The following PAPPA variants were observed in gnomAD, a reference collection of about 807,000 sequenced individuals.
The protein encoded by PAPPA is pappalysin-1.
Under a neutral mutation model 164.0 loss-of-function variants are expected in PAPPA, and 60 were observed. The ratio of observed to expected loss-of-function variants is 0.37; its 90% CI spans 0.30 to 0.45. PAPPA has a LOEUF of 0.45. Among genes scored for constraint, PAPPA ranks in the 20% least tolerant of loss-of-function variants. The pLI is 1.00. For missense variants in PAPPA, 1,782 were observed against 2,087.3 expected (o/e 0.85, Z 2.85); for synonymous variants, 875 against 814.1 (o/e 1.07, Z -1.27).
At chr9:116,183,631 G>A (rs1466098000) in intron 1 of PAPPA, among the ~76,000 whole-genome samples, 2 of 152,100 alleles carry the variant, frequency 1.3e-5, no homozygotes, top group Non-Finnish European at 2.9e-5. Context: ...ATTGAAGCTC[G>A]GTGATTTTCT....
In PAPPA at chr9:116,228,415, T is replaced by C. The variant is rs535866516; in HGVS notation, c.2233+863T>C. Among the ~76,000 whole-genome samples, 192 of 152,160 alleles carry C rather than the reference T, an allele frequency of 1.3e-3. 1 individual carries two copies. The highest frequency in any genetic ancestry group is 4.5e-3 in the African/African-American group (186 of 41,514). On this transcript the variant is annotated intron_variant, in intron 6 of 21. Coordinates refer to ENST00000328252, the MANE Select transcript of PAPPA (RefSeq NM_002581.5). ...GTGAGGACACTATTACACCAGTGCA[T>C]CAGAGGGAGCGGAATCAGTCTTCTC...
chr9:116,335,215 C>CAGA, intron 13 of PAPPA, 141 bp downstream of exon 13: 1 of 701,634 alleles, frequency 1.4e-6, no homozygotes, highest in Non-Finnish European at 2.4e-6. Flanking sequence ...GGCCTCTGGC[C>CAGA]GGCTCTGCCT....
chr9:116,377,994 G>A (rs917568552), intron 20 of PAPPA, among the ~76,000 whole-genome samples: 1 of 152,156 alleles, frequency 6.6e-6, no homozygotes, highest in Non-Finnish European at 1.5e-5. Context: ...GCTAATGTTG[G>A]AAATTTACCA....
intron 9 of PAPPA, among the ~76,000 whole-genome samples, chr9:116,274,622 A>G (rs1845175548): frequency 6.6e-6 from 1 of 152,208 alleles, no homozygotes; most frequent in South Asian, 2.1e-4. Context: ...CAGTGTTCTC[A>G]TGTAGAAAAT....
intron 6 of PAPPA, among the ~76,000 whole-genome samples, chr9:116,228,758 A>G (rs1029178658): frequency 3.3e-5 from 5 of 152,140 alleles, no homozygotes; most frequent in African/African-American, 1.2e-4. Flanking sequence ...GCTCCCCCCA[A>G]GTGCAGGAAT....
At chr9:116,362,519 T>C (rs372074210) in intron 17 of PAPPA, 73 bp from the exon 18 acceptor site, 14 of 1,474,970 alleles carry the variant, frequency 9.5e-6, no homozygotes, top group Middle Eastern at 1.8e-4. Flanking sequence ...TTCTTTTCTG[T>C]TGTATTCAGA....
intron 2 of PAPPA, among the ~76,000 whole-genome samples, chr9:116,200,759 G>GT (rs1478297850): frequency 6.6e-6 from 1 of 151,986 alleles, no homozygotes; most frequent in African/African-American, 2.4e-5. Flanking sequence ...TAGAATCTCA[G>GT]TAAGTGTTGT....
chr9:116,345,325 G>A (rs1846192982), intron 14 of PAPPA, among the ~76,000 whole-genome samples: 1 of 151,792 alleles, frequency 6.6e-6, no homozygotes, highest in Admixed American at 6.6e-5. Flanking sequence ...TTGGAAAAGT[G>A]ACATGGAAAC....
intron 10 of PAPPA, among the ~76,000 whole-genome samples, chr9:116,303,741 G>A (rs1453739369): frequency 6.6e-6 from 1 of 152,080 alleles, no homozygotes; most frequent in Non-Finnish European, 1.5e-5. Flanking sequence ...GCTATTCCCA[G>A]GCATTCCTTT....
chr9:116,347,079 G>C lies in PAPPA; in HGVS notation c.3834G>C (p.Val1278=). The C allele has an allele frequency of 1.2e-6, 2 of 1,614,138 alleles. No homozygotes were observed. Among genetic ancestry groups the C allele is most frequent in the Non-Finnish European group, 1.7e-6 (2 of 1,179,998 alleles). Residue 1278 remains valine, a synonymous_variant, in exon 15 of 22, where the codon GTG becomes GTC. Transcript: ENST00000328252. The surrounding 1 kb of genome is among the most constrained non-coding windows in gnomAD (Gnocchi z 4.5). ...TCTEGKWNKQ[V]ACEPVDCSIP... Reference sequence around the variant, plus strand: ...CAGAGGGCAAGTGGAATAAGCAGGTGGCCTGTGAGCCAGTCGACTGCAGCA... The same window carrying C: ...CAGAGGGCAAGTGGAATAAGCAGGTCGCCTGTGAGCCAGTCGACTGCAGCA...
At chr9:116,199,464 T>C (rs1844145882) in intron 2 of PAPPA, among the ~76,000 whole-genome samples, 1 of 152,204 alleles carries the variant, frequency 6.6e-6, no homozygotes, top group South Asian at 2.1e-4. Flanking sequence ...CTACTTCTTA[T>C]ATACATTCCT....
intron 2 of PAPPA, among the ~76,000 whole-genome samples, chr9:116,190,720 C>G (rs1238753937): frequency 6.6e-6 from 1 of 152,228 alleles, no homozygotes; most frequent in Non-Finnish European, 1.5e-5. Context: ...CCAGACACCT[C>G]ACAATCAGCA....
chr9:116,327,547 C>T (rs1311035281), intron 10 of PAPPA, among the ~76,000 whole-genome samples: 1 of 150,766 alleles, frequency 6.6e-6, no homozygotes, highest in Non-Finnish European at 1.5e-5. Context: ...CAACATTGCT[C>T]AGCAATGCTT....
chr9:116,193,738 C>A (rs1035925478), intron 2 of PAPPA, among the ~76,000 whole-genome samples: 1 of 152,164 alleles, frequency 6.6e-6, no homozygotes, highest in African/African-American at 2.4e-5. Flanking sequence ...TGTAGGGGTC[C>A]AAGATATAAT....
chr9:116,380,544 GA>G (rs1459355568), intron 20 of PAPPA, among the ~76,000 whole-genome samples: 3 of 152,108 alleles, frequency 2.0e-5, no homozygotes, highest in Admixed American at 1.3e-4. Context: ...ACATAAAAAA[GA>G]ACATAACCCA....
chr9:116,202,206 G>T (rs892227710), intron 2 of PAPPA, among the ~76,000 whole-genome samples: 15 of 152,094 alleles, frequency 9.9e-5, no homozygotes, highest in African/African-American at 3.6e-4. Context: ...TAACGGATTT[G>T]TTGTTGTTGC....
intron 6 of PAPPA, among the ~76,000 whole-genome samples, chr9:116,228,755 C>A (rs996376327): frequency 1.3e-5 from 2 of 152,150 alleles, no homozygotes; most frequent in South Asian, 2.1e-4. Flanking sequence ...CGGGCTCCCC[C>A]CAAGTGCAGG....
chr9:116,373,008 A>G (rs945877862), intron 19 of PAPPA, among the ~76,000 whole-genome samples: 4 of 152,182 alleles, frequency 2.6e-5, no homozygotes, highest in Admixed American at 6.5e-5. Context: ...GTCTTTTAAA[A>G]ATATGCAACA....
At chr9:116,292,936 T>C (rs572648040) in intron 9 of PAPPA, among the ~76,000 whole-genome samples, 1 of 152,276 alleles carries the variant, frequency 6.6e-6, no homozygotes, top group African/African-American at 2.4e-5. Context: ...CATGATGTCA[T>C]GGAAGTCAAG....
Sources: allele counts gnomAD v4.1 joint callset (sites outside exome capture counted in the v4.1 genomes callset), GRCh38; gene constraint gnomAD v4.1.1; non-coding constraint Gnocchi (gnomAD v3.1); transcripts MANE v1.5; gene names NCBI Gene and HGNC (gene_info 2026-07-23, HGNC 2026-07-21).